The following LAMA3 variants were observed in gnomAD, a reference collection of about 807,000 sequenced individuals.
The protein encoded by LAMA3 is laminin subunit alpha 3.
In LAMA3, 281 loss-of-function variants were observed where a neutral mutation model predicts 402.0. The ratio of observed to expected loss-of-function variants is 0.70; its 90% confidence interval spans 0.63 to 0.77. LAMA3 has a LOEUF of 0.77. LAMA3 is among the 30% of genes least tolerant of loss of function. LAMA3 has a pLI of 0.00. For missense variants in LAMA3, 3,840 were observed against 4,215.5 expected (o/e 0.91, Z 2.47); for synonymous variants, 1,431 against 1,558.4 (o/e 0.92, Z 1.93).
chr18:23,699,739 A>G (rs1462392146), intron 1 of LAMA3, among the ~76,000 whole-genome samples: 1 of 152,198 alleles, frequency 6.6e-6, no homozygotes, highest in Non-Finnish European at 1.5e-5. Flanking sequence ...CCCCACTGAC[A>G]GTAATGTCAG....
rs370165878 is a variant in LAMA3, at chr18:23,857,889, C to T, written c.4182C>T (p.Ser1394=). ...GGCGGCAGTGTGACCGATGTGCTTC[C>T]GGGTTTTACCGCTTTCCTGAGTGTG... ...ITGRQCDRCA[S]GFYRFPECVP... Residue 1394 remains serine, a synonymous_variant, in exon 33 of 75, where the codon TCC becomes TCT. Transcript: ENST00000313654. The T allele has an allele frequency of 4.5e-5, 73 of 1,614,094 alleles. No individual in the cohort carries two copies. In the Middle Eastern group the frequency reaches 1.3e-3, roughly 29 times the overall value.
rs2065018033 is a variant in LAMA3, at chr18:23,884,840, A to G, written c.5290A>G (p.Thr1764Ala). 1.9e-6 allele frequency: 3 copies of G among 1,611,828 alleles called. No individual in the cohort carries two copies. Among genetic ancestry groups the G allele is most frequent in the Admixed American group, 1.7e-5 (1 of 59,738 alleles). Residue 1764 changes from threonine (T) to alanine (A), a missense_variant, in exon 41 of 75, where the codon ACA becomes GCA. Thr to Ala is a moderately conservative substitution (Grantham distance 58). Transcript: ENST00000313654. ...CTCCTGCAAAGCTGGGTACACAGGA[A>G]CACAGTGTGAAAGGTAAGGTGGGCG... ...RCSCKAGYTG[T>A]QCERCAPGYF...
intron 27 of LAMA3, among the ~76,000 whole-genome samples, chr18:23,841,728 G>A (rs1452940135): frequency 6.6e-6 from 1 of 152,126 alleles, no homozygotes; most frequent in African/African-American, 2.4e-5. Context: ...CTTAAGACCT[G>A]CCTGGAGAAC....
Position 23,905,522 on chromosome 18 carries a change from A to G in LAMA3, c.6616A>G (p.Thr2206Ala), listed in dbSNP as rs1368551291. 6.4e-7 allele frequency: 1 copy of G among 1,567,010 alleles called. No individual in the cohort carries two copies. Among genetic ancestry groups the G allele is most frequent in the Admixed American group, 1.7e-5 (1 of 59,912 alleles). Reference protein sequence around the residue: ...AASASESALQTVIKEDLPRKA... With the variant: ...AASASESALQAVIKEDLPRKA... ...AGGCTGTTAAATGCTTTGCTTTCAGACAGTGATAAAGGAAGATCTGCCAAG... is the reference window on the plus strand; with the variant it reads ...AGGCTGTTAAATGCTTTGCTTTCAGGCAGTGATAAAGGAAGATCTGCCAAG... Residue 2206 changes from threonine (T) to alanine (A), a missense_variant and splice_region_variant, in exon 52 of 75, where the codon ACA becomes GCA. Physicochemically the swap from Thr to Ala is moderately conservative, Grantham distance 58 (BLOSUM62 0). Around this residue, in one of 3 missense-constraint regions of LAMA3, gnomAD observed 891 missense variants for 857.5 expected, o/e 1.04. Transcript: ENST00000313654.
intron 62 of LAMA3, among the ~76,000 whole-genome samples, chr18:23,922,562 A>G (rs2081878899): frequency 6.6e-6 from 1 of 152,196 alleles, no homozygotes; most frequent in Non-Finnish European, 1.5e-5. Flanking sequence ...CCTGGGGGTG[A>G]CATCTTTACT....
chr18:23,897,551 G>A (rs985469901), intron 44 of LAMA3, among the ~76,000 whole-genome samples: 4 of 152,154 alleles, frequency 2.6e-5, no homozygotes, highest in South Asian at 2.1e-4. Flanking sequence ...GAGGAACCTA[G>A]TGTTGTTCTC....
intron 58 of LAMA3, 47 bp from the exon 59 acceptor site, chr18:23,915,242 T>C: frequency 6.2e-7 from 1 of 1,600,630 alleles, no homozygotes; most frequent in Non-Finnish European, 8.5e-7. Flanking sequence ...CTATTTTGAT[T>C]ATTGTCCTTT....
chr18:23,764,103 T>C (rs955967473), intron 8 of LAMA3, among the ~76,000 whole-genome samples: 1 of 152,166 alleles, frequency 6.6e-6, no homozygotes, highest in Non-Finnish European at 1.5e-5. Flanking sequence ...TTGGTCTACA[T>C]TGTCATTCTT....
At chr18:23,797,238 C>G (rs539942955) in intron 12 of LAMA3, among the ~76,000 whole-genome samples, 2 of 151,924 alleles carry the variant, frequency 1.3e-5, no homozygotes, top group Non-Finnish European at 2.9e-5. Flanking sequence ...TGATGGCCTT[C>G]CTTGTCTTGT....
chr18:23,901,305 A>C lies in LAMA3; in HGVS notation c.6183A>C (p.Arg2061Ser). 1 of 1,614,034 alleles carries C rather than the reference A, an allele frequency of 6.2e-7. No individual in the cohort carries two copies. Among genetic ancestry groups the C allele is most frequent in the Non-Finnish European group, 8.5e-7 (1 of 1,179,978 alleles). The change falls in exon 48 of 75, where the codon AGA becomes AGC. Residue 2061 changes from arginine to serine, a missense_variant. Around this residue, in one of 3 missense-constraint regions of LAMA3, gnomAD observed 891 missense variants for 857.5 expected, o/e 1.04. Coordinates refer to ENST00000313654, the MANE Select transcript of LAMA3 (RefSeq NM_198129.4). Reference sequence around the variant, plus strand: ...ATGGCTTGAACCAAGAAAACGAGAGAGCTTTGGGAGCCATTCAGGTGAGTT... The same window carrying C: ...ATGGCTTGAACCAAGAAAACGAGAGCGCTTTGGGAGCCATTCAGGTGAGTT... Reference protein sequence around the residue: ...QANGLNQENERALGAIQRQVK... With the variant: ...QANGLNQENESALGAIQRQVK...
chr18:23,849,921 A>G (rs969109365), intron 32 of LAMA3, among the ~76,000 whole-genome samples: 3 of 152,338 alleles, frequency 2.0e-5, no homozygotes, highest in East Asian at 3.9e-4. Context: ...CAGAAAATGT[A>G]AGAAAATTTA....
intron 24 of LAMA3, among the ~76,000 whole-genome samples, chr18:23,835,075 G>T (rs1568234937): frequency 6.6e-6 from 1 of 152,222 alleles, no homozygotes; most frequent in Non-Finnish European, 1.5e-5. Flanking sequence ...GATATGAGCG[G>T]TATCTGTCTA....
At chr18:23,807,371 T>C (rs2062981975) in intron 12 of LAMA3, among the ~76,000 whole-genome samples, 1 of 152,118 alleles carries the variant, frequency 6.6e-6, no homozygotes, top group African/African-American at 2.4e-5. Context: ...CCAAAATCTG[T>C]ATTAGTCAGG....
In LAMA3 at chr18:23,839,701, T is replaced by G; in HGVS notation, c.3192-84T>G. On this transcript the variant is annotated intron_variant, in intron 26 of 74. Coordinates refer to ENST00000313654, the MANE Select transcript of LAMA3 (RefSeq NM_198129.4). This position sits in a 1 kb window ranked among gnomAD's most constrained non-coding sequence, Gnocchi z 4.5. The stretch of plus-strand genomic sequence containing the variant: ...TTTTGATGCCCATGCAGTCCTATGC[T>G]CCAAGTCTGTCTCTTCACTGATGGT... 6.8e-7 allele frequency: 1 copy of G among 1,463,252 alleles called. No individual in the cohort carries two copies. The highest frequency in any genetic ancestry group is 9.6e-7 in the Non-Finnish European group (1 of 1,045,118). The allele number at this position is 1,463,252 out of a possible 1,614,324, so 90.6% of individuals were successfully genotyped here. A position where few individuals can be genotyped will look rare whatever the true frequency, so the allele number is the denominator to read the frequency against.
rs763324809 is a variant in LAMA3 at position 23,904,633 on chromosome 18, C to T, written c.6554C>T (p.Ala2185Val). 2 of 1,613,760 alleles carry T rather than the reference C, an allele frequency of 1.2e-6. No individual in the cohort carries two copies. Among genetic ancestry groups the T allele is most frequent in the Non-Finnish European group, 1.7e-6 (2 of 1,179,986 alleles). Reference sequence around the variant, plus strand: ...ACCGCCTACGAGAACATCCTCAATGCCATCAAAGCGGCCGAGGACGCAGCC... The same window carrying T: ...ACCGCCTACGAGAACATCCTCAATGTCATCAAAGCGGCCGAGGACGCAGCC... ...AATAYENILN[A>V]IKAAEDAANR... The change falls in exon 51 of 75, where the codon GCC (alanine) becomes GTC (valine). Residue 2185 changes from alanine to valine, a missense_variant. By Grantham distance (64) the Ala-to-Val change is moderately conservative (BLOSUM62 0). Coordinates refer to ENST00000313654, the MANE Select transcript of LAMA3 (RefSeq NM_198129.4).
rs780866229 is a variant in LAMA3 at position 23,871,411 on chromosome 18, C to G, written c.4768-20C>G. 12 of 1,610,096 alleles carry G rather than the reference C, an allele frequency of 7.5e-6. No individual in the cohort carries two copies. Among genetic ancestry groups the G allele is most frequent in the Non-Finnish European group, 9.4e-6 (11 of 1,176,332 alleles). On this transcript the variant is annotated intron_variant, in intron 37 of 74. Transcript: ENST00000313654. Reference sequence around the variant, plus strand: ...TGAGCCTGCCTAAGGAAGACCCTGACTTTCTGTTTCCATGTGTAGGGAAAC... The same window carrying G: ...TGAGCCTGCCTAAGGAAGACCCTGAGTTTCTGTTTCCATGTGTAGGGAAAC...
chr18:23,769,014 G>A (rs895076819), intron 8 of LAMA3, among the ~76,000 whole-genome samples: 2 of 152,148 alleles, frequency 1.3e-5, no homozygotes, highest in Admixed American at 1.3e-4. Context: ...GGGCGACAAG[G>A]GTCGAAAAAC....
At chr18:23,871,726 C>A in intron 38 of LAMA3, 65 bp downstream of exon 38, 1 of 1,319,102 alleles carries the variant, frequency 7.6e-7, no homozygotes, top group Non-Finnish European at 1.1e-6. Context: ...TGGCTGCTGT[C>A]CAGCACTGTG....
At chr18:23,947,220 C>G (rs1462485599) in intron 70 of LAMA3, among the ~76,000 whole-genome samples, 2 of 152,152 alleles carry the variant, frequency 1.3e-5, no homozygotes, top group Non-Finnish European at 2.9e-5. Context: ...CTCCTACCCC[C>G]TGCCACAGCG....
Sources: gnomAD v4.1 joint callset for allele counts (sites outside exome capture counted in the v4.1 genomes callset) on GRCh38, gnomAD v4.1.1 for gene constraint, gnomAD v4.1.1 regional missense constraint, Gnocchi (gnomAD v3.1) non-coding constraint, MANE v1.5 for transcripts, NCBI Gene and HGNC (gene_info 2026-07-23, HGNC 2026-07-21) for gene names.